ANKS1B: variants seen among roughly 807,000 people sequenced by gnomAD.
ANKS1B encodes ankyrin repeat and sterile alpha motif domain containing 1B.
ANKS1B carries 36 observed loss-of-function variants against 148.3 expected under a neutral mutation model. That is an observed-to-expected ratio of 0.24 (90% CI 0.19 to 0.32). ANKS1B has a LOEUF of 0.32. ANKS1B is among the 10% of genes least tolerant of loss of function. ANKS1B has a pLI of 1.00. For synonymous variants in ANKS1B, 542 were observed against 560.8 expected, an observed-to-expected ratio of 0.97 and a Z score of 0.47; for missense variants, 1,157 against 1,542.6, an observed-to-expected ratio of 0.75 and a Z score of 4.19.
At chr12:99,241,963 G>T (rs536960908) in intron 14 of ANKS1B, among the ~76,000 whole-genome samples, 2 of 152,124 alleles carry the variant, frequency 1.3e-5, no homozygotes, top group Non-Finnish European at 2.9e-5. Context: ...GCAAAAACTG[G>T]AAGCATTCCC....
At chr12:98,747,642 G>T (rs2097925531) in intron 26 of ANKS1B, among the ~76,000 whole-genome samples, 1 of 152,214 alleles carries the variant, frequency 6.6e-6, no homozygotes, top group Non-Finnish European at 1.5e-5. Context: ...ATATCAAAGA[G>T]ATATCTGCAC....
intron 8 of ANKS1B, among the ~76,000 whole-genome samples, chr12:99,758,738 C>A (rs147654616): frequency 6.6e-6 from 1 of 151,762 alleles, no homozygotes; most frequent in African/African-American, 2.4e-5. Flanking sequence ...ATGTCACATA[C>A]AATACAAAAA....
At chr12:99,321,361 A>G (rs1049359995) in intron 12 of ANKS1B, among the ~76,000 whole-genome samples, 2 of 152,144 alleles carry the variant, frequency 1.3e-5, no homozygotes, top group Admixed American at 6.5e-5. Context: ...ACCCAGTTCA[A>G]GCTTCCCAGC....
At chr12:99,485,494 C>T (rs1355866298) in intron 10 of ANKS1B, among the ~76,000 whole-genome samples, 6 of 152,034 alleles carry the variant, frequency 3.9e-5, no homozygotes, top group African/African-American at 1.4e-4. Context: ...TATCTTTTTG[C>T]AATAAATTTA....
At chr12:99,520,362 T>G (rs544471042) in intron 9 of ANKS1B, among the ~76,000 whole-genome samples, 1 of 152,210 alleles carries the variant, frequency 6.6e-6, no homozygotes, top group Admixed American at 6.5e-5. Context: ...TGGGTAAAAG[T>G]TTTTTTCCTT....
chr12:99,000,092 A>T (rs1048124169), intron 17 of ANKS1B, among the ~76,000 whole-genome samples: 5 of 152,198 alleles, frequency 3.3e-5, no homozygotes, highest in Admixed American at 1.3e-4. Context: ...AGAGGAAAGG[A>T]AGAAGAGAAA....
intron 17 of ANKS1B, among the ~76,000 whole-genome samples, chr12:98,842,476 A>G (rs1259905279): frequency 6.6e-6 from 1 of 152,212 alleles, no homozygotes; most frequent in African/African-American, 2.4e-5. Flanking sequence ...AGGGTTATGG[A>G]AATGTTCTAA....
At chr12:99,305,997 G>T (rs187755028) in intron 12 of ANKS1B, among the ~76,000 whole-genome samples, 12 of 152,034 alleles carry the variant, frequency 7.9e-5, no homozygotes, top group African/African-American at 2.9e-4. Flanking sequence ...CACTTTGGGG[G>T]ATGCTTTTTA....
intron 15 of ANKS1B, chr12:99,097,584 A>G (rs754725203): frequency 6.6e-6 from 1 of 152,246 alleles, no homozygotes; most frequent in Non-Finnish European, 1.5e-5. Context: ...AACCAAAATA[A>G]AAAGAATATA....
At chr12:99,704,750 T>C (rs1435568409) in intron 8 of ANKS1B, among the ~76,000 whole-genome samples, 1 of 152,122 alleles carries the variant, frequency 6.6e-6, no homozygotes, top group African/African-American at 2.4e-5. Context: ...AATAGTTCTC[T>C]AGCTAAATCT....
At chr12:99,417,157 T>C (rs989718984) in intron 11 of ANKS1B, among the ~76,000 whole-genome samples, 3 of 152,238 alleles carry the variant, frequency 2.0e-5, no homozygotes, top group African/African-American at 7.2e-5. Flanking sequence ...ATCCCAGAAA[T>C]TTTTTTCCTA....
intron 12 of ANKS1B, among the ~76,000 whole-genome samples, chr12:99,356,293 C>T (rs2091973867): frequency 6.6e-6 from 1 of 152,100 alleles, no homozygotes; most frequent in African/African-American, 2.4e-5. Context: ...CCCTTCAGAA[C>T]TTTATGGAAA....
intron 17 of ANKS1B, among the ~76,000 whole-genome samples, chr12:98,965,625 T>A (rs2153172453): frequency 6.6e-6 from 1 of 152,320 alleles, no homozygotes; most frequent in African/African-American, 2.4e-5. Flanking sequence ...GCTGGAGGCA[T>A]CACGCTACCT....
chr12:99,881,563 G>A (rs911673760), intron 1 of ANKS1B, among the ~76,000 whole-genome samples: 7 of 152,188 alleles, frequency 4.6e-5, no homozygotes, highest in African/African-American at 1.7e-4. Flanking sequence ...TGCGGAGAAA[G>A]GGTTGGGATA....
intron 9 of ANKS1B, among the ~76,000 whole-genome samples, chr12:99,561,411 T>C (rs1027644532): frequency 6.6e-6 from 1 of 152,200 alleles, no homozygotes; most frequent in African/African-American, 2.4e-5. Flanking sequence ...GGCCTCATTG[T>C]ATGTTGTCTT....
intron 8 of ANKS1B, among the ~76,000 whole-genome samples, chr12:99,670,130 A>G (rs184699587): frequency 3.3e-5 from 5 of 152,172 alleles, no homozygotes; most frequent in Non-Finnish European, 4.4e-5. Flanking sequence ...TATTATTCAT[A>G]TCTGTTTCTC....
At chr12:99,694,446 A>G (rs1286801483) in intron 8 of ANKS1B, among the ~76,000 whole-genome samples, 1 of 151,968 alleles carries the variant, frequency 6.6e-6, no homozygotes, top group Admixed American at 6.6e-5. Context: ...CTAAAAAAAA[A>G]AAAAAAGAAT....
intron 8 of ANKS1B, among the ~76,000 whole-genome samples, chr12:99,722,903 C>T (rs1336005775): frequency 6.6e-6 from 1 of 151,854 alleles, no homozygotes; most frequent in Admixed American, 6.6e-5. Context: ...GTGCAGGGGG[C>T]CCACCTGAGA....
In ANKS1B at chr12:99,812,301, G is replaced by A. The variant is rs1480453096; in HGVS notation, c.226C>T (p.Leu76Phe). 1 of 1,610,118 alleles carries A rather than the reference G, an allele frequency of 6.2e-7. No individual in the cohort carries two copies. Among genetic ancestry groups the A allele is most frequent in the African/African-American group, 1.3e-5 (1 of 74,706 alleles). ...GATGCCTCATACTGAAGTAGTTTGA[G>A]AACTATGTCCCTAAAAAGGAAAAAA... ...AALNGHKDIV[L>F]KLLQYEASTN... The change falls in exon 3 of 27, where the codon CTC becomes TTC. Residue 76 changes from leucine (L) to phenylalanine (F), a missense_variant. Leu to Phe is a conservative substitution (Grantham distance 22, BLOSUM62 0). Coordinates refer to ENST00000683438, the MANE Select transcript of ANKS1B (RefSeq NM_001352186.2).
Sources: allele counts gnomAD v4.1 joint callset (sites outside exome capture counted in the v4.1 genomes callset), GRCh38; gene constraint gnomAD v4.1.1; transcripts MANE v1.5; gene names NCBI Gene and HGNC (gene_info 2026-07-23, HGNC 2026-07-21).